RTTN: variants seen among roughly 807,000 people sequenced by gnomAD.
RTTN encodes rotatin.
A neutral mutation model predicts 269.2 loss-of-function variants in RTTN; 182 were observed. That is an observed-to-expected ratio of 0.68 (90% CI 0.60 to 0.76). The LOEUF (loss-of-function observed/expected upper bound fraction) is 0.76, where lower values mean the gene tolerates loss of function less well. RTTN is among the 30% of genes least tolerant of loss of function. The probability of loss-of-function intolerance (pLI) is 0.00; values close to 1 mark genes in which losing one functional copy is unlikely to be tolerated. For missense variants in RTTN, 2,545 were observed against 2,608.6 expected (o/e 0.98, Z 0.53); for synonymous variants, 1,006 against 963.5 (o/e 1.04, Z -0.82).
rs2058118459 is a variant in RTTN, at chr18:70,065,840, A to C, written c.4736T>G (p.Phe1579Cys). Residue 1579 changes from phenylalanine (F) to cysteine (C), a missense_variant, in exon 35 of 49, where the codon TTT (phenylalanine) becomes TGT (cysteine). Coordinates refer to ENST00000640769, the MANE Select transcript of RTTN (RefSeq NM_173630.4). ...TLLPEASHDQ[F>C]VAQGHQESTS... ...CACTAAAAGGATACCTTGAGCCACA[A>C]ACTGGTCATGGGAGGCTTCAGGTAG... The C allele has an allele frequency of 6.3e-7, 1 of 1,593,100 alleles. No individual in the cohort carries two copies. Among genetic ancestry groups the C allele is most frequent in the African/African-American group, 1.3e-5 (1 of 74,456 alleles).
chr18:70,072,823 T>C (rs2058331164), intron 34 of RTTN, among the ~76,000 whole-genome samples: 1 of 152,162 alleles, frequency 6.6e-6, no homozygotes. Context: ...GCATTTATCA[T>C]ATTACTGCTC....
chr18:70,103,342 A>G (rs1410826993), intron 28 of RTTN, among the ~76,000 whole-genome samples: 1 of 152,134 alleles, frequency 6.6e-6, no homozygotes, highest in African/African-American at 2.4e-5. Flanking sequence ...GAAAAGAAAG[A>G]GAGATCAGAT....
chr18:70,059,057 C>T (rs2057902540), intron 36 of RTTN, among the ~76,000 whole-genome samples: 1 of 151,960 alleles, frequency 6.6e-6, no homozygotes, highest in African/African-American at 2.4e-5. Flanking sequence ...AACATGTGGT[C>T]AAAAGGAGGT....
In RTTN at chr18:70,184,703, G is replaced by GTTTTTTTTTTTTTTTTTTT. The variant is rs374636456; in HGVS notation, c.1305+3404_1305+3405insAAAAAAAAAAAAAAAAAAA. Reference sequence around the variant, plus strand: ...TCAATTCCATTCAAAACCACAGCAGGTTTTTTTTTTTTTTGTGTGTGTGTG... The same window carrying GTTTTTTTTTTTTTTTTTTT: ...TCAATTCCATTCAAAACCACAGCAGGTTTTTTTTTTTTTTTTTTTTTTTTTTTTTTTTTGTGTGTGTGTG... On this transcript the variant is annotated intron_variant, in intron 10 of 48. Coordinates refer to ENST00000640769, the MANE Select transcript of RTTN (RefSeq NM_173630.4). 1.1e-4 allele frequency among the ~76,000 whole-genome samples: 3 copies of GTTTTTTTTTTTTTTTTTTT among 26,350 alleles called. 1 individual carries two copies. The highest frequency in any genetic ancestry group is 3.8e-4 in the Non-Finnish European group (2 of 5,310). 17.3% of individuals were successfully genotyped at this position (26,350 alleles called of 152,430 possible). A position where few individuals can be genotyped will look rare whatever the true frequency, so the allele number is the denominator to read the frequency against.
intron 7 of RTTN, among the ~76,000 whole-genome samples, chr18:70,195,899 T>C (rs2061793154): frequency 6.6e-6 from 1 of 152,080 alleles, no homozygotes; most frequent in Admixed American, 6.6e-5. Context: ...CCCAATGAAA[T>C]AGGGATTAAC....
chr18:70,130,327 C>A (rs1599695402), intron 23 of RTTN: 1 of 151,920 alleles, frequency 6.6e-6, no homozygotes, highest in Non-Finnish European at 1.5e-5. Context: ...TATATGCACT[C>A]CCATGTTTAT....
At chr18:70,065,137 T>C (rs1268926605) in intron 35 of RTTN, among the ~76,000 whole-genome samples, 2 of 152,066 alleles carry the variant, frequency 1.3e-5, no homozygotes, top group Non-Finnish European at 2.9e-5. Context: ...TTTCTAAATG[T>C]TTCAGAAAGT....
intron 28 of RTTN, among the ~76,000 whole-genome samples, chr18:70,104,790 C>T (rs1228671699): frequency 6.6e-6 from 1 of 152,190 alleles, no homozygotes; most frequent in African/African-American, 2.4e-5. Context: ...TGGGTATCAC[C>T]AGCGGAGGCT....
intron 32 of RTTN, among the ~76,000 whole-genome samples, chr18:70,083,329 T>G (rs1168035997): frequency 6.6e-6 from 1 of 152,194 alleles, no homozygotes; most frequent in African/African-American, 2.4e-5. Flanking sequence ...CTTATGATAT[T>G]AAGACCAAAA....
chr18:70,037,930 A>G (rs370515853), intron 40 of RTTN, among the ~76,000 whole-genome samples: 4 of 152,320 alleles, frequency 2.6e-5, no homozygotes, highest in African/African-American at 9.6e-5. Context: ...ACAGAATGAC[A>G]GAAGTGCCCT....
intron 37 of RTTN, 119 bp from the exon 38 acceptor site, chr18:70,054,403 G>A (rs1174163571): frequency 1.9e-5 from 18 of 966,598 alleles, no homozygotes; most frequent in Non-Finnish European, 4.5e-6. Flanking sequence ...AATTTTTCAA[G>A]ATCTGAAATT....
intron 34 of RTTN, among the ~76,000 whole-genome samples, chr18:70,071,673 A>T (rs956868857): frequency 1.3e-5 from 2 of 152,204 alleles, no homozygotes; most frequent in Admixed American, 1.3e-4. Flanking sequence ...TCTGCAGTTT[A>T]TCAAACATAC....
intron 21 of RTTN, among the ~76,000 whole-genome samples, chr18:70,136,447 T>C (rs955325287): frequency 6.6e-6 from 1 of 151,608 alleles, no homozygotes; most frequent in African/African-American, 2.4e-5. Flanking sequence ...GATAGAAAAG[T>C]TGAGAGAAAA....
chr18:70,180,397 T>G (rs1032490496), intron 10 of RTTN, among the ~76,000 whole-genome samples: 2 of 151,298 alleles, frequency 1.3e-5, no homozygotes, highest in African/African-American at 2.4e-5. Context: ...GCCTGGCCAA[T>G]CTGGCAAAAC....
chr18:70,059,731 G>T, intron 36 of RTTN, 119 bp downstream of exon 36: 1 of 651,176 alleles, frequency 1.5e-6, no homozygotes, highest in South Asian at 4.9e-5. Context: ...AGTTCAATGA[G>T]CCTAAAAAAG....
At chr18:70,070,358 C>G (rs1443866355) in intron 34 of RTTN, among the ~76,000 whole-genome samples, 1 of 152,244 alleles carries the variant, frequency 6.6e-6, no homozygotes, top group Non-Finnish European at 1.5e-5. Context: ...CTCTCTCCAT[C>G]ATCACACAAA....
chr18:70,020,683 G>A lies in RTTN; in HGVS notation c.6085C>T (p.Gln2029Ter), dbSNP rs758049534. Reference sequence around the variant, plus strand: ...GAAAGAAGCATAAAAACCATCTGCTGAACCGTGGTGTTCTCCAGTGGCATC... The same window carrying A: ...GAAAGAAGCATAAAAACCATCTGCTAAACCGTGGTGTTCTCCAGTGGCATC... ...SQMPLENTTV[Q>*]QMVFMLLSNL... is the part of the protein sequence containing the mutation. Residue 2029 changes from glutamine to a stop codon, truncating the protein, a stop_gained, in exon 45 of 49, where the codon CAG becomes TAG. Transcript: ENST00000640769. LOFTEE classifies it high-confidence loss of function. 6.2e-7 allele frequency: 1 copy of A among 1,614,058 alleles called. No individual in the cohort carries two copies. The highest frequency in any genetic ancestry group is 8.5e-7 in the Non-Finnish European group (1 of 1,179,948).
Position 70,205,200 on chromosome 18 carries a change from C to T in RTTN, c.147G>A (p.Leu49=). 6.2e-7 allele frequency: 1 copy of T among 1,614,212 alleles called. No homozygotes were observed. The highest frequency in any genetic ancestry group is 8.5e-7 in the Non-Finnish European group (1 of 1,180,048). ...LIQERQLFLH[L]LEWFNFPSVP... ...CGGACGGGAAATTGAACCATTCCAG[C>T]AAATGAAGAAAAAGTTGCCTCTCCT... The change falls in exon 2 of 49, where the codon TTG becomes TTA. Residue 49 remains leucine, a synonymous_variant. Transcript: ENST00000640769.
Position 70,075,458 on chromosome 18 carries a change from A to G in RTTN, c.4458T>C (p.Phe1486=), listed in dbSNP as rs2058402986. The change falls in exon 33 of 49, where the codon TTT becomes TTC. Residue 1486 remains phenylalanine, a synonymous_variant. Coordinates refer to ENST00000640769, the MANE Select transcript of RTTN (RefSeq NM_173630.4). Reference sequence around the variant, plus strand: ...TTACCATCTGATTCAAATGTTCATAAAAATGGCAGTGATATAAAAGAGCCT... The same window carrying G: ...TTACCATCTGATTCAAATGTTCATAGAAATGGCAGTGATATAAAAGAGCCT... The part of the protein sequence containing the change: ...ALQALLYHCH[F]YEHLNQMVKH... The G allele has an allele frequency of 6.2e-7, 1 of 1,609,376 alleles. No homozygotes were observed. Among genetic ancestry groups the G allele is most frequent in the South Asian group, 1.1e-5 (1 of 89,992 alleles).
Sources: gnomAD v4.1 joint callset for allele counts (sites outside exome capture counted in the v4.1 genomes callset) on GRCh38, gnomAD v4.1.1 for gene constraint, MANE v1.5 for transcripts, NCBI Gene and HGNC (gene_info 2026-07-23, HGNC 2026-07-21) for gene names.